TRIM66: variants seen among roughly 807,000 people sequenced by gnomAD.
The protein encoded by TRIM66 is tripartite motif containing 66.
A neutral mutation model predicts 148.2 loss-of-function variants in TRIM66; 99 were observed. The observed-to-expected ratio is 0.67, with a 90% CI of 0.57 to 0.79. TRIM66 has a LOEUF of 0.79. TRIM66 is among the 30% of genes least tolerant of loss of function. The pLI is 0.00. For missense variants in TRIM66, 1,666 were observed against 1,697.9 expected (o/e 0.98, Z 0.33); for synonymous variants, 616 against 635.9 (o/e 0.97, Z 0.47).
Position 8,617,851 on chromosome 11 carries a change from T to C in TRIM66, c.*93A>G, listed in dbSNP as rs1232797032. Reference sequence around the variant, plus strand: ...ACAGTTCAACAAGACTCATCTACCATCCACACTCTGAAGAGGATAAGCTGC... The same window carrying C: ...ACAGTTCAACAAGACTCATCTACCACCCACACTCTGAAGAGGATAAGCTGC... On this transcript the variant is annotated 3_prime_UTR_variant, in exon 25 of 25. Coordinates refer to ENST00000646038, the MANE Select transcript of TRIM66 (RefSeq NM_001388022.1). The C allele has an allele frequency of 8.1e-7, 1 of 1,232,430 alleles. No individual in the cohort carries two copies. Among genetic ancestry groups the C allele is most frequent in the African/African-American group, 1.5e-5 (1 of 66,584 alleles). The allele number at this position is 1,232,430 out of a possible 1,614,324, so 76.3% of individuals were successfully genotyped here. A position where few individuals can be genotyped will look rare whatever the true frequency, so the allele number is the denominator to read the frequency against.
chr11:8,666,739 C>A (rs1463495864), intron 6 of TRIM66, among the ~76,000 whole-genome samples: 1 of 152,180 alleles, frequency 6.6e-6, no homozygotes, highest in Non-Finnish European at 1.5e-5. Flanking sequence ...AATATACTGA[C>A]ACCAAAGCTT....
rs1157513400 is a variant in TRIM66 at position 8,648,552 on chromosome 11, C to T, written c.593-4G>A. On this transcript the variant is annotated splice_polypyrimidine_tract_variant and splice_region_variant and intron_variant, in intron 8 of 24. Coordinates refer to ENST00000646038, the MANE Select transcript of TRIM66 (RefSeq NM_001388022.1). Reference sequence around the variant, plus strand: ...TCTCCGGGACCACCATTCACTCCTGCCAGAGAAGACAGAGAAAGTGAGCTT... The same window carrying T: ...TCTCCGGGACCACCATTCACTCCTGTCAGAGAAGACAGAGAAAGTGAGCTT... 1 of 1,551,554 alleles carries T rather than the reference C, an allele frequency of 6.4e-7. No individual in the cohort carries two copies. Among genetic ancestry groups the T allele is most frequent in the East Asian group, 2.4e-5 (1 of 40,922 alleles).
At chr11:8,670,007 G>GTTTTTTTTTTTTTTTTT (rs752586311) in intron 6 of TRIM66, among the ~76,000 whole-genome samples, 2 of 138,474 alleles carry the variant, frequency 1.4e-5, no homozygotes, top group Admixed American at 7.6e-5. Context: ...GTCTTGTTTT[G>GTTTTTTTTTTTTTTTTT]TTTTTATTTA....
In TRIM66 at chr11:8,668,275, T is replaced by A. The variant is rs553346624; in HGVS notation, c.340+3511A>T. 3.3e-5 allele frequency among the ~76,000 whole-genome samples: 5 copies of A among 152,136 alleles called. No homozygotes were observed. The South Asian group carries it at 1.0e-3, about 32-fold the overall frequency. ...CATTTTAAAATCAGGTTTTTTTTTT[T>A]ATTGTTGAGTTGTAGGAGTTCTTTA... On this transcript the variant is annotated intron_variant, in intron 6 of 24. Transcript: ENST00000646038.
intron 15 of TRIM66, among the ~76,000 whole-genome samples, chr11:8,633,177 C>A (rs1479818707): frequency 6.6e-6 from 1 of 152,132 alleles, no homozygotes; most frequent in Non-Finnish European, 1.5e-5. Context: ...ACAAAATTAG[C>A]CAGGCATGGT....
intron 18 of TRIM66, among the ~76,000 whole-genome samples, chr11:8,622,615 C>T (rs931112830): frequency 8.6e-5 from 13 of 151,824 alleles, no homozygotes; most frequent in Admixed American, 3.9e-4. Flanking sequence ...GCACCCAGAG[C>T]GCATGCCTCG....
intron 21 of TRIM66, 150 bp downstream of exon 21, chr11:8,620,296 T>A: frequency 7.3e-7 from 1 of 1,375,196 alleles, no homozygotes; most frequent in Non-Finnish European, 9.8e-7. Flanking sequence ...GAAGGAAAAT[T>A]ATCCAAACAC....
rs887797104 is a variant in TRIM66, at chr11:8,621,220, C to T, written c.3357G>A (p.Glu1119=). Residue 1119 remains glutamate (E), a synonymous_variant, in exon 20 of 25, where the codon GAG becomes GAA. Coordinates refer to ENST00000646038, the MANE Select transcript of TRIM66 (RefSeq NM_001388022.1). ...SLAGQRPPEV[E]GTSPEEHRLI... ...GTCTGTGTTCTTCAGGAGATGTGCCCTCCACTTCTGGTGGCCGCTGCCCAG... is the reference window on the plus strand; with the variant it reads ...GTCTGTGTTCTTCAGGAGATGTGCCTTCCACTTCTGGTGGCCGCTGCCCAG... The T allele has an allele frequency of 5.2e-6, 8 of 1,551,588 alleles. No homozygotes were observed. The highest frequency in any genetic ancestry group is 6.1e-6 in the Non-Finnish European group (7 of 1,147,008).
intron 4 of TRIM66, among the ~76,000 whole-genome samples, chr11:8,674,129 C>G (rs1267253575): frequency 6.6e-6 from 1 of 152,218 alleles, no homozygotes; most frequent in Non-Finnish European, 1.5e-5. Context: ...CAGTAGTTCT[C>G]AAACTTTTTG....
chr11:8,664,525 G>T (rs2038466924), intron 6 of TRIM66, among the ~76,000 whole-genome samples: 1 of 152,048 alleles, frequency 6.6e-6, no homozygotes, highest in Admixed American at 6.6e-5. Flanking sequence ...TATAAAATGG[G>T]AATACTAATA....
intron 13 of TRIM66, among the ~76,000 whole-genome samples, chr11:8,641,546 G>C (rs1335589623): frequency 6.6e-6 from 1 of 152,196 alleles, no homozygotes; most frequent in Non-Finnish European, 1.5e-5. Flanking sequence ...GCAAAGGGTA[G>C]AGAGCCATGC....
chr11:8,656,340 T>C (rs1458524765), intron 6 of TRIM66, among the ~76,000 whole-genome samples: 4 of 152,194 alleles, frequency 2.6e-5, no homozygotes, highest in East Asian at 1.9e-4. Context: ...CTTTTTTCTA[T>C]TTTATTCAGT....
intron 15 of TRIM66, among the ~76,000 whole-genome samples, chr11:8,636,403 T>C (rs1350899306): frequency 6.6e-6 from 1 of 152,218 alleles, no homozygotes; most frequent in African/African-American, 2.4e-5. Flanking sequence ...TGCTTGCTTC[T>C]GAACTACTGA....
intron 7 of TRIM66, 120 bp from the exon 8 acceptor site, chr11:8,650,007 A>G: frequency 8.5e-7 from 1 of 1,176,506 alleles, no homozygotes; most frequent in Non-Finnish European, 1.2e-6. Context: ...TTTGGAGTGT[A>G]ACCTATTCTG....
At chr11:8,683,010 C>A, upstream of TRIM66, 2 of 870,804 alleles carry the variant, frequency 2.3e-6, no homozygotes, top group African/African-American at 1.7e-5. Flanking sequence ...CGGTTCGGAT[C>A]TCTAGGACAC....
At chr11:8,680,913 G>C (rs1006734924) in intron 1 of TRIM66, 9 of 152,212 alleles carry the variant, frequency 5.9e-5, no homozygotes, top group African/African-American at 2.2e-4. Flanking sequence ...GACGCCAACA[G>C]ATTAAAGTAC....
intron 9 of TRIM66, 77 bp downstream of exon 9, chr11:8,648,339 C>T (rs905354797): frequency 3.6e-5 from 54 of 1,513,468 alleles, no homozygotes; most frequent in African/African-American, 3.0e-4. Context: ...TTCTGATGCA[C>T]GGGGATTCCC....
intron 6 of TRIM66, among the ~76,000 whole-genome samples, chr11:8,665,994 C>T (rs868420651): frequency 6.6e-6 from 1 of 151,796 alleles, no homozygotes; most frequent in East Asian, 1.9e-4. Context: ...TACCCATAAA[C>T]GTAAATGTGG....
intron 1 of TRIM66, 77 bp downstream of exon 1, chr11:8,682,524 G>A (rs942499233): frequency 3.9e-6 from 2 of 510,622 alleles, no homozygotes; most frequent in Admixed American, 7.8e-5. Flanking sequence ...GCAAGCACGG[G>A]CGGCGTGCAG....
Sources: allele counts gnomAD v4.1 joint callset (sites outside exome capture counted in the v4.1 genomes callset), GRCh38; gene constraint gnomAD v4.1.1; transcripts MANE v1.5; gene names NCBI Gene and HGNC (gene_info 2026-07-23, HGNC 2026-07-21).